TMEM232: variants seen among roughly 807,000 people sequenced by gnomAD.
TMEM232 encodes the protein transmembrane protein 232.
Under a neutral mutation model 78.8 loss-of-function variants are expected in TMEM232, and 80 were observed. That is an observed-to-expected ratio of 1.01 (90% CI 0.85 to 1.22). TMEM232 has a LOEUF of 1.22. TMEM232 is among the 50% of genes most tolerant of loss of function. The pLI is 0.00. For synonymous variants in TMEM232, 297 were observed against 254.3 expected (o/e 1.17, Z -1.60); for missense variants, 881 against 742.2 (o/e 1.19, Z -2.17).
At chr5:110,388,282 T>A (rs1445576405) in intron 4 of TMEM232, among the ~76,000 whole-genome samples, 130 of 152,244 alleles carry the variant, frequency 8.5e-4, no homozygotes, top group Non-Finnish European at 1.2e-3. Flanking sequence ...GCTTTCCACT[T>A]GGCCAGCACC....
intron 12 of TMEM232, among the ~76,000 whole-genome samples, chr5:110,484,596 C>T (rs1379925819): frequency 6.6e-6 from 1 of 151,852 alleles, no homozygotes; most frequent in African/African-American, 2.4e-5. Flanking sequence ...GATTGAAAGA[C>T]ACATATAGGC....
intron 7 of TMEM232, 35 bp downstream of exon 7, chr5:110,625,232 G>T: frequency 6.9e-7 from 1 of 1,446,886 alleles, no homozygotes; most frequent in South Asian, 1.5e-5. Flanking sequence ...GATGCATCAG[G>T]CAACAGGATA....
intron 12 of TMEM232, among the ~76,000 whole-genome samples, chr5:110,470,491 C>G (rs1244901986): frequency 6.6e-6 from 1 of 152,132 alleles, no homozygotes; most frequent in Non-Finnish European, 1.5e-5. Flanking sequence ...GGAACCAAGT[C>G]AGACACAGCA....
chr5:110,510,772 A>T (rs1165019411), intron 12 of TMEM232, among the ~76,000 whole-genome samples: 1 of 152,206 alleles, frequency 6.6e-6, no homozygotes, highest in Admixed American at 6.5e-5. Context: ...TAGAATGGCG[A>T]TCATTAAAAA....
chr5:110,605,842 G>T (rs1781481655), intron 9 of TMEM232, among the ~76,000 whole-genome samples: 1 of 152,010 alleles, frequency 6.6e-6, no homozygotes, highest in South Asian at 2.1e-4. Flanking sequence ...TGTTGATAGA[G>T]ATTTTATGTA....
chr5:110,650,668 T>C (rs1259216335), intron 2 of TMEM232, among the ~76,000 whole-genome samples: 1 of 152,082 alleles, frequency 6.6e-6, no homozygotes, highest in Non-Finnish European at 1.5e-5. Context: ...ATTGTCATGG[T>C]CATTAAAAAC....
At chr5:110,568,306 G>A in intron 11 of TMEM232, 141 bp downstream of exon 11, 2 of 873,890 alleles carry the variant, frequency 2.3e-6, no homozygotes, top group South Asian at 4.1e-5. Context: ...ATAGATCAGT[G>A]TTAAGTTTTA....
At chr5:110,643,183 G>T (rs1043603866) in intron 2 of TMEM232, among the ~76,000 whole-genome samples, 1 of 152,010 alleles carries the variant, frequency 6.6e-6, no homozygotes, top group African/African-American at 2.4e-5. Context: ...GGACTGAATC[G>T]CTATTCACTA....
At chr5:110,514,117 C>G (rs1319761236) in intron 12 of TMEM232, among the ~76,000 whole-genome samples, 1 of 152,134 alleles carries the variant, frequency 6.6e-6, no homozygotes, top group African/African-American at 2.4e-5. Context: ...TTCTGTGCAG[C>G]TAACAACTGT....
chr5:110,590,514 G>A (rs1427979505), intron 10 of TMEM232, among the ~76,000 whole-genome samples: 1 of 151,954 alleles, frequency 6.6e-6, no homozygotes, highest in African/African-American at 2.4e-5. Flanking sequence ...TTTAACTAAT[G>A]CCTGATGATC....
At chr5:110,534,027 A>G (rs1179379947) in intron 11 of TMEM232, among the ~76,000 whole-genome samples, 4 of 152,170 alleles carry the variant, frequency 2.6e-5, no homozygotes, top group African/African-American at 9.7e-5. Flanking sequence ...ATCAAGCTCC[A>G]GGATTTGCCC....
At chr5:110,602,564 A>C (rs1457591575) in intron 10 of TMEM232, among the ~76,000 whole-genome samples, 1 of 152,230 alleles carries the variant, frequency 6.6e-6, no homozygotes, top group Non-Finnish European at 1.5e-5. Context: ...ACTGGTCAAA[A>C]GAGAAGTATA....
At chr5:110,737,212 T>C (rs1799267863) in intron 1 of TMEM232, among the ~76,000 whole-genome samples, 1 of 152,210 alleles carries the variant, frequency 6.6e-6, no homozygotes, top group Non-Finnish European at 1.5e-5. Context: ...TGACACGAGA[T>C]AGGTGCTTAA....
intron 2 of TMEM232, among the ~76,000 whole-genome samples, chr5:110,664,790 C>A (rs1790328854): frequency 6.6e-6 from 1 of 152,136 alleles, no homozygotes; most frequent in Non-Finnish European, 1.5e-5. Context: ...CTTGTAAGGA[C>A]ACTAATCTCA....
At chr5:110,431,557 A>C (rs1472321679) in intron 12 of TMEM232, among the ~76,000 whole-genome samples, 1 of 151,748 alleles carries the variant, frequency 6.6e-6, no homozygotes, top group Non-Finnish European at 1.5e-5. Context: ...AAAAATGATA[A>C]GGCATACTGG....
At chr5:110,391,318 T>A (rs1380816480) in intron 3 of TMEM232, among the ~76,000 whole-genome samples, 1 of 137,182 alleles carries the variant, frequency 7.3e-6, no homozygotes, top group African/African-American at 3.2e-5. Context: ...TGTGTGTGTG[T>A]GTGTGTGTGA....
chr5:110,605,953 C>A (rs1781495710), intron 9 of TMEM232, among the ~76,000 whole-genome samples: 2 of 151,822 alleles, frequency 1.3e-5, no homozygotes, highest in African/African-American at 4.8e-5. Flanking sequence ...GAACTTACCC[C>A]AACCAAAATA....
chr5:110,707,010 T>TCCC (rs751049085), intron 1 of TMEM232, among the ~76,000 whole-genome samples: 135 of 152,260 alleles, frequency 8.9e-4, no homozygotes, highest in Admixed American at 4.6e-3. Context: ...TTCAAAGTCC[T>TCCC]CCCTTGGATG....
intron 2 of TMEM232, among the ~76,000 whole-genome samples, chr5:110,664,692 G>A (rs1790314362): frequency 6.6e-6 from 1 of 152,198 alleles, no homozygotes; most frequent in Non-Finnish European, 1.5e-5. Flanking sequence ...TGGTTTTGGT[G>A]AGGGCTGTGC....
Sources: allele counts gnomAD v4.1 joint callset (sites outside exome capture counted in the v4.1 genomes callset), GRCh38; gene constraint gnomAD v4.1.1; transcripts MANE v1.5; gene names NCBI Gene and HGNC (gene_info 2026-07-23, HGNC 2026-07-21).